PDE12: variants seen among roughly 807,000 people sequenced by gnomAD.
PDE12 encodes the protein phosphodiesterase 12.
A neutral mutation model predicts 45.4 loss-of-function variants in PDE12; 26 were observed. That is an observed-to-expected ratio of 0.57 (90% CI 0.42 to 0.79). PDE12 has a LOEUF of 0.79. Among genes scored for constraint, PDE12 ranks in the 30% least tolerant of loss-of-function variants. The probability of loss-of-function intolerance (pLI) is 0.00; values close to 1 mark genes in which losing one functional copy is unlikely to be tolerated. For synonymous variants in PDE12, 283 were observed against 323.9 expected (o/e 0.87, Z 1.36); for missense variants, 668 against 790.0 (o/e 0.85, Z 1.85).
At chr3:57,634,451 A>G in the PDE12 span, 3 of 479,914 alleles carry the variant, frequency 6.3e-6, no homozygotes, top group African/African-American at 2.2e-5. Flanking sequence ...AAAAAAAAAA[A>G]GGAGAGATCC....
the PDE12 span, chr3:57,630,571 C>A: frequency 6.5e-7 from 1 of 1,547,768 alleles, no homozygotes. Context: ...TAACTTATTT[C>A]CTTTCCTCAA....
Position 57,556,434 on chromosome 3 carries a change from G to A in PDE12, c.55G>A (p.Glu19Lys), listed in dbSNP as rs551052093. 12 of 1,612,082 alleles carry A rather than the reference G, an allele frequency of 7.4e-6. No individual in the cohort carries two copies. The highest frequency in any genetic ancestry group is 2.2e-5 in the East Asian group (1 of 44,800). The change falls in exon 1 of 3, where the codon GAG becomes AAG. Residue 19 changes from glutamate (E) to lysine (K), a missense_variant. Glu to Lys is a moderately conservative substitution (Grantham distance 56). Around this residue, in one of 3 missense-constraint regions of PDE12, gnomAD observed 580 missense variants for 662.9 expected, o/e 0.87. Coordinates refer to ENST00000311180, the MANE Select transcript of PDE12 (RefSeq NM_177966.7). The surrounding 1 kb of genome is among the most constrained non-coding windows in gnomAD (Gnocchi z 5.0). Reference sequence around the variant, plus strand: ...GCTTCGGGTGATCCGGACGGCGGTGGAGAAGCTGAGCCGGGCTGAAGCGGG... The same window carrying A: ...GCTTCGGGTGATCCGGACGGCGGTGAAGAAGCTGAGCCGGGCTGAAGCGGG... ...AALRVIRTAV[E>K]KLSRAEAGSQ... is the part of the protein sequence containing the mutation.
the PDE12 span, among the ~76,000 whole-genome samples, chr3:57,634,276 C>T: frequency 1.4e-5 from 2 of 147,126 alleles, no homozygotes; most frequent in Non-Finnish European, 3.0e-5. Context: ...CTACTAAAAA[C>T]ACAGAAATTA....
At chr3:57,597,250 G>C in the PDE12 span, 1 of 1,039,716 alleles carries the variant, frequency 9.6e-7, no homozygotes, top group East Asian at 2.6e-5. Flanking sequence ...AGAAAGAGCG[G>C]AGGAAGAAAG....
At chr3:57,589,852 G>C in the PDE12 span, among the ~76,000 whole-genome samples, 1 of 151,884 alleles carries the variant, frequency 6.6e-6, no homozygotes, top group Non-Finnish European at 1.5e-5. Flanking sequence ...CAGCACTTTA[G>C]GAGGCCGAGG....
the PDE12 span, among the ~76,000 whole-genome samples, chr3:57,614,422 C>CA: frequency 6.6e-6 from 1 of 151,248 alleles, no homozygotes; most frequent in African/African-American, 2.4e-5. Flanking sequence ...GGGATATCTC[C>CA]AAGTATTTGG....
At chr3:57,628,497 C>T in the PDE12 span, 1 of 1,130,892 alleles carries the variant, frequency 8.8e-7, no homozygotes, top group Non-Finnish European at 1.2e-6. Context: ...AAGGAGCATT[C>T]TATTTAAACA....
At chr3:57,649,910 T>C in the PDE12 span, among the ~76,000 whole-genome samples, 3 of 113,596 alleles carry the variant, frequency 2.6e-5, no homozygotes, top group Non-Finnish European at 5.4e-5. Flanking sequence ...GCTCTGACTC[T>C]CTGTATATAT....
rs1314345897 is a variant in PDE12, at chr3:57,564,519, A to C, written c.*4515A>C. 1.6e-5 allele frequency: 2 copies of C among 123,552 alleles called. No homozygotes were observed. Among genetic ancestry groups the C allele is most frequent in the African/African-American group, 5.2e-5 (2 of 38,208 alleles). The allele number at this position is 123,552 out of a possible 1,614,324, so 7.7% of individuals were successfully genotyped here. On this transcript the variant is annotated 3_prime_UTR_variant, in exon 3 of 3. Transcript: ENST00000311180. ...TGATGTTATCATGAAGTATTGATGT[A>C]CTTTTTTTTTAGTGTATTGAAGTAT...
the PDE12 span, among the ~76,000 whole-genome samples, chr3:57,613,718 G>T: frequency 6.6e-6 from 1 of 151,634 alleles, no homozygotes; most frequent in Non-Finnish European, 1.5e-5. Context: ...GGCTAACACG[G>T]TGAAACCCCG....
the PDE12 span, among the ~76,000 whole-genome samples, chr3:57,587,045 G>A: frequency 6.6e-6 from 1 of 151,990 alleles, no homozygotes; most frequent in Non-Finnish European, 1.5e-5. Context: ...AAGGCCTGGC[G>A]CTGTGGCTCA....
chr3:57,654,792 AG>A, the PDE12 span: 1 of 984,862 alleles, frequency 1.0e-6, no homozygotes, highest in Non-Finnish European at 1.2e-6. Context: ...ATGCCTTTCT[AG>A]GTCTCTTTAC....
the PDE12 span, chr3:57,633,125 A>C: frequency 1.4e-6 from 1 of 693,526 alleles, no homozygotes; most frequent in Non-Finnish European, 2.4e-6. Flanking sequence ...GGTCTCTTGC[A>C]AAGGGGTTTA....
downstream of PDE12, among the ~76,000 whole-genome samples, chr3:57,570,399 T>C (rs2069828398): frequency 2.3e-5 from 2 of 85,280 alleles, no homozygotes; most frequent in African/African-American, 1.2e-4. Context: ...TTTTGTATTT[T>C]TAGTAGAGAT....
At chr3:57,622,453 TG>T in the PDE12 span, among the ~76,000 whole-genome samples, 1 of 152,214 alleles carries the variant, frequency 6.6e-6, no homozygotes, top group Non-Finnish European at 1.5e-5. Context: ...ATGGAACAGC[TG>T]GAACTTTCAT....
At chr3:57,614,554 T>G in the PDE12 span, among the ~76,000 whole-genome samples, 7 of 146,474 alleles carry the variant, frequency 4.8e-5, no homozygotes, top group African/African-American at 1.3e-4. Flanking sequence ...GTTTTTTTTT[T>G]TTTTTTTTGA....
Position 57,563,428 on chromosome 3 carries a change from T to A in PDE12, c.*3424T>A, listed in dbSNP as rs2069748062. ...CAGATTTGTTACATAGGTATACATG[T>A]GCCATGTTGGTTTGCTGCACCCGTT... On this transcript the variant is annotated 3_prime_UTR_variant, in exon 3 of 3. Coordinates refer to ENST00000311180, the MANE Select transcript of PDE12 (RefSeq NM_177966.7). The A allele has an allele frequency of 6.6e-6, 1 of 152,228 alleles. No individual in the cohort carries two copies. Among genetic ancestry groups the A allele is most frequent in the African/African-American group, 2.4e-5 (1 of 41,458 alleles). 9.4% of individuals were successfully genotyped at this position (152,228 alleles called of 1,614,324 possible).
At chr3:57,644,766 GT>G in the PDE12 span, among the ~76,000 whole-genome samples, 9 of 3,970 alleles carry the variant, frequency 2.3e-3, no homozygotes, top group Non-Finnish European at 3.3e-3. Context: ...GAGGGGAGGG[GT>G]GAGGAGGGGA....
the PDE12 span, among the ~76,000 whole-genome samples, chr3:57,581,521 C>A: frequency 0.4 from 61,447 of 152,202 alleles, 13,296 homozygotes; most frequent in South Asian, 0.56. Flanking sequence ...AATATATTGG[C>A]CAAGCGCAGT....
Sources: gnomAD v4.1 joint callset for allele counts (sites outside exome capture counted in the v4.1 genomes callset) on GRCh38, gnomAD v4.1.1 for gene constraint, gnomAD v4.1.1 regional missense constraint, Gnocchi (gnomAD v3.1) non-coding constraint, MANE v1.5 for transcripts, NCBI Gene and HGNC (gene_info 2026-07-23, HGNC 2026-07-21) for gene names.